The following CARD14 variants were observed in gnomAD, a reference collection of about 807,000 sequenced individuals.
CARD14 encodes the protein caspase recruitment domain-containing protein 14.
In CARD14, 107 loss-of-function variants were observed where a neutral mutation model predicts 111.5. That is an observed-to-expected ratio of 0.96 (90% CI 0.82 to 1.13). The LOEUF (loss-of-function observed/expected upper bound fraction) is 1.13, where lower values mean the gene tolerates loss of function less well. Ranked by LOEUF, CARD14 falls within the 50% of genes most tolerant of loss-of-function variation. The pLI is 0.00. For missense variants in CARD14, 1,322 were observed against 1,362.3 expected (o/e 0.97, Z 0.47); for synonymous variants, 617 against 579.6 (o/e 1.06, Z -0.93).
chr17:80,190,956 C>A, intron 10 of CARD14, 57 bp downstream of exon 10: 1 of 1,589,714 alleles, frequency 6.3e-7, no homozygotes, highest in Non-Finnish European at 8.6e-7. Context: ...CAGGTGAGGG[C>A]TGGTTCCGGG....
chr17:80,198,707 G>A lies in CARD14; in HGVS notation c.1851+116G>A. ...AGACGATGCAGATCCACTCTGGGCT[G>A]GGCCTCTGCTCTTTCCTGGGCTGAC... On this transcript the variant is annotated intron_variant, in intron 16 of 23. Transcript: ENST00000648509. The surrounding 1 kb of genome is among the most constrained non-coding windows in gnomAD (Gnocchi z 7.5). 6.3e-7 allele frequency: 1 copy of A among 1,592,542 alleles called. No individual in the cohort carries two copies. Among genetic ancestry groups the A allele is most frequent in the Non-Finnish European group, 8.5e-7 (1 of 1,171,724 alleles).
chr17:80,181,100 A>G (rs565502188), intron 4 of CARD14, among the ~76,000 whole-genome samples: 107 of 152,246 alleles, frequency 7.0e-4, no homozygotes, highest in Admixed American at 1.2e-3. Context: ...AAAAAAAAAA[A>G]AAAGTATTTA....
At chr17:80,183,524 G>A (rs1336099011) in intron 6 of CARD14, among the ~76,000 whole-genome samples, 1 of 152,298 alleles carries the variant, frequency 6.6e-6, no homozygotes, top group East Asian at 1.9e-4. Context: ...GGGGTCTCAC[G>A]GGGAAGGTCA....
Position 80,182,251 on chromosome 17 carries a change from GC to G in CARD14, c.212-401del. ...ACCCGCAGCCCCGGGGTGCCACTCT[GC>G]TTTCTGTGCGCAGCTCCAAAGCTGA... On this transcript the variant is annotated intron_variant, in intron 5 of 23. Transcript: ENST00000648509. This position sits in a 1 kb window ranked among gnomAD's most constrained non-coding sequence, Gnocchi z 4.7. 6.6e-6 allele frequency among the ~76,000 whole-genome samples: 1 copy of G among 152,298 alleles called. No individual in the cohort carries two copies. The highest frequency in any genetic ancestry group is 3.4e-3 in the Middle Eastern group (1 of 294).
intron 2 of CARD14, 70 bp downstream of exon 2, chr17:80,173,298 GCACACACACACA>G (rs761819467): frequency 7.1e-6 from 1 of 141,386 alleles, no homozygotes; most frequent in African/African-American, 2.7e-5. Flanking sequence ...TCTCTCTCAT[GCACACACACACA>G]CACACACACA....
chr17:80,172,605 C>T lies in CARD14; in HGVS notation c.-689-301C>T, dbSNP rs542662199. Among the ~76,000 whole-genome samples, 127 of 152,282 alleles carry T rather than the reference C, an allele frequency of 8.3e-4. 1 individual carries two copies. The highest frequency in any genetic ancestry group is 2.9e-3 in the African/African-American group (119 of 41,544). On this transcript the variant is annotated intron_variant, in intron 1 of 23. Coordinates refer to ENST00000648509, the MANE Select transcript of CARD14 (RefSeq NM_001366385.1). ...CCCCGCTGTAGCTGGAGGAGCTCGG[C>T]GTCGGCGTGCCTTCGCCTCCCCTTG...
chr17:80,198,798 TGCTGCTGCCATGCGGC>T lies in CARD14; in HGVS notation c.1851+211_1851+226del, dbSNP rs752249519. ...GCAGAACCCAGCATGTCACCCGTGG[TGCTGCTGCCATGCGGC>T]GCTTCTGACCAGGGGTCTTTGCATG... On this transcript the variant is annotated intron_variant, in intron 16 of 23. Coordinates refer to ENST00000648509, the MANE Select transcript of CARD14 (RefSeq NM_001366385.1). This position sits in a 1 kb window ranked among gnomAD's most constrained non-coding sequence, Gnocchi z 7.5. 4.7e-6 allele frequency: 7 copies of T among 1,488,378 alleles called. No homozygotes were observed. The South Asian group carries it at 9.7e-5, about 21-fold the overall frequency. The allele number at this position is 1,488,378 out of a possible 1,614,324, so 92.2% of individuals were successfully genotyped here. A position where few individuals can be genotyped will look rare whatever the true frequency, so the allele number is the denominator to read the frequency against.
intron 10 of CARD14, 85 bp downstream of exon 10, chr17:80,190,984 C>T: frequency 1.3e-6 from 2 of 1,534,106 alleles, no homozygotes; most frequent in Non-Finnish European, 1.8e-6. Context: ...TCGTGGCTCC[C>T]TGCCCTTGAT....
Position 80,202,400 on chromosome 17 carries a change from C to A in CARD14, c.2199C>A (p.Gly733=). 2 of 1,612,626 alleles carry A rather than the reference C, an allele frequency of 1.2e-6. No homozygotes were observed. The highest frequency in any genetic ancestry group is 1.7e-6 in the Non-Finnish European group (2 of 1,179,674). ...CCATGAAGGATACTGCCGCGCACGG[C>A]ACCATCCCCAACTACTCCAGGTGAG... ...SYTMKDTAAH[G]TIPNYSRAQQ... Residue 733 remains glycine (G), a synonymous_variant, in exon 18 of 24, where the codon GGC becomes GGA. Transcript: ENST00000648509.
chr17:80,190,432 G>C (rs1441876964), intron 9 of CARD14, among the ~76,000 whole-genome samples: 1 of 152,008 alleles, frequency 6.6e-6, no homozygotes, highest in African/African-American at 2.4e-5. Flanking sequence ...GGCCAATATA[G>C]TGAAACCCTG....
intron 12 of CARD14, among the ~76,000 whole-genome samples, chr17:80,193,273 A>G (rs1186964896): frequency 6.8e-6 from 1 of 148,124 alleles, no homozygotes; most frequent in African/African-American, 2.5e-5. Context: ...TGGCACAGAC[A>G]GTCCCCAGAC....
chr17:80,172,619 C>T (rs922073973), intron 1 of CARD14, among the ~76,000 whole-genome samples: 1 of 152,088 alleles, frequency 6.6e-6, no homozygotes, highest in African/African-American at 2.4e-5. Flanking sequence ...GGCGTGCCTT[C>T]GCCTCCCCTT....
intron 16 of CARD14, among the ~76,000 whole-genome samples, chr17:80,199,923 T>A (rs1342376799): frequency 6.6e-6 from 1 of 151,762 alleles, no homozygotes; most frequent in Non-Finnish European, 1.5e-5. Flanking sequence ...GCTTTCTTAA[T>A]ATGAAAAAAA....
intron 16 of CARD14, among the ~76,000 whole-genome samples, chr17:80,200,508 A>AT (rs1161134315): frequency 1.3e-5 from 2 of 152,040 alleles, no homozygotes; most frequent in African/African-American, 4.8e-5. Flanking sequence ...AAGTGCTGGG[A>AT]TTACAGGCAT....
chr17:80,200,152 A>G (rs1012062415), intron 16 of CARD14, among the ~76,000 whole-genome samples: 12 of 151,600 alleles, frequency 7.9e-5, no homozygotes, highest in Admixed American at 5.9e-4. Context: ...TAGGGCTCCA[A>G]TGATAGCACA....
chr17:80,192,872 C>G (rs186004807), intron 12 of CARD14, among the ~76,000 whole-genome samples: 1 of 152,358 alleles, frequency 6.6e-6, no homozygotes, highest in Non-Finnish European at 1.5e-5. Context: ...CTTGCCTCAG[C>G]CACCCAAGTA....
At chr17:80,174,537 G>A (rs897306608) in intron 2 of CARD14, among the ~76,000 whole-genome samples, 1 of 152,138 alleles carries the variant, frequency 6.6e-6, no homozygotes, top group African/African-American at 2.4e-5. Flanking sequence ...ATAGCACAGG[G>A]TCATGGAAGA....
At chr17:80,170,631 GAGA>G (rs2039873298) in intron 1 of CARD14, 1 of 152,208 alleles carries the variant, frequency 6.6e-6, no homozygotes, top group Non-Finnish European at 1.5e-5. Flanking sequence ...CTTGGGTTAG[GAGA>G]AGGATGTTGA....
chr17:80,202,236 T>C lies in CARD14; in HGVS notation c.2035T>C (p.Phe679Leu), dbSNP rs772268382. 4 of 1,613,984 alleles carry C rather than the reference T, an allele frequency of 2.5e-6. No individual in the cohort carries two copies. The highest frequency in any genetic ancestry group is 2.5e-6 in the Non-Finnish European group (3 of 1,180,030). The part of the protein sequence containing the change: ...EAKVATSGDS[F>L]YIRVNLAMEG... The stretch of plus-strand genomic sequence containing the variant: ...CAAAGTGGCGACCTCGGGGGACTCA[T>C]TCTACATCCGGGTCAACCTGGCCAT... Residue 679 changes from phenylalanine (F) to leucine (L), a missense_variant, in exon 18 of 24, where the codon TTC (phenylalanine) becomes CTC (leucine). Transcript: ENST00000648509.
Sources: gnomAD v4.1 joint callset for allele counts (sites outside exome capture counted in the v4.1 genomes callset) on GRCh38, gnomAD v4.1.1 for gene constraint, Gnocchi (gnomAD v3.1) non-coding constraint, MANE v1.5 for transcripts, NCBI Gene and HGNC (gene_info 2026-07-23, HGNC 2026-07-21) for gene names.